NME7: variants seen among roughly 807,000 people sequenced by gnomAD.
NME7 encodes the protein NME/NM23 family member 7.
A neutral mutation model predicts 49.1 loss-of-function variants in NME7; 41 were observed. The observed-to-expected ratio is 0.83, with a 90% confidence interval of 0.65 to 1.08. The LOEUF (loss-of-function observed/expected upper bound fraction) is 1.08, where lower values mean the gene tolerates loss of function less well. Among genes scored for constraint, NME7 ranks in the 50% least tolerant of loss-of-function variants. The probability of loss-of-function intolerance (pLI) is 0.00; values close to 1 mark genes in which losing one functional copy is unlikely to be tolerated. For synonymous variants in NME7, 139 were observed against 150.6 expected (o/e 0.92, Z 0.56); for missense variants, 423 against 463.4 (o/e 0.91, Z 0.80).
chr1:169,160,907 G>C (rs971546769), intron 11 of NME7, among the ~76,000 whole-genome samples: 12 of 152,080 alleles, frequency 7.9e-5, no homozygotes, highest in African/African-American at 2.9e-4. Context: ...CACTGCTTCT[G>C]GCTATCCCTT....
intron 1 of NME7, among the ~76,000 whole-genome samples, chr1:169,332,654 G>A (rs751159098): frequency 7.9e-5 from 12 of 152,006 alleles, no homozygotes; most frequent in South Asian, 6.2e-4. Context: ...CTACAAAATG[G>A]GCAAAAGATC....
chr1:169,280,867 A>G lies in NME7; in HGVS notation c.754+6436T>C, dbSNP rs1474776749. On this transcript the variant is annotated intron_variant, in intron 7 of 11. Transcript: ENST00000367811. ...GTTTTGGTTACTGTAGCCTTGTAGT[A>G]TAGTTAGAAGTCAGGTAGCATAATG... Among the ~76,000 whole-genome samples, 3 of 151,378 alleles carry G rather than the reference A, an allele frequency of 2.0e-5. No individual in the cohort carries two copies. The East Asian group carries it at 6.3e-4, about 32-fold the overall frequency.
At position 169,303,147 on chromosome 1, in the gene NME7, G is replaced by A. The variant is rs752492264; in HGVS notation, c.438C>T (p.Phe146=). ...TAATCCCCAAATTAAGGACCTACTTGAAAAAGGGTCTTGACTGGTGATCTA... is the reference window on the plus strand; with the variant it reads ...TAATCCCCAAATTAAGGACCTACTTAAAAAAGGGTCTTGACTGGTGATCTA... ...FHVDHQSRPF[F]NELIQFITTG... is the part of the protein sequence containing the mutation. The change falls in exon 5 of 12, where the codon TTC becomes TTT. Residue 146 remains phenylalanine, a splice_region_variant and synonymous_variant. Coordinates refer to ENST00000367811, the MANE Select transcript of NME7 (RefSeq NM_013330.5). 1.9e-6 allele frequency: 3 copies of A among 1,567,372 alleles called. No individual in the cohort carries two copies. The highest frequency in any genetic ancestry group is 1.7e-4 in the Middle Eastern group (1 of 5,964).
chr1:169,249,110 C>T (rs1236222574), intron 7 of NME7, among the ~76,000 whole-genome samples: 2 of 152,096 alleles, frequency 1.3e-5, no homozygotes, highest in Non-Finnish European at 2.9e-5. Flanking sequence ...TTATTCCAAT[C>T]CATGAGCATG....
At chr1:169,303,428 C>A in intron 4 of NME7, 3 of 176,088 alleles carry the variant, frequency 1.7e-5, no homozygotes, top group South Asian at 1.7e-4. Context: ...TACTTTTCTA[C>A]TTATGTTATA....
chr1:169,282,851 G>T lies in NME7; in HGVS notation c.754+4452C>A, dbSNP rs540403182. Among the ~76,000 whole-genome samples, 11 of 152,260 alleles carry T rather than the reference G, an allele frequency of 7.2e-5. No homozygotes were observed. In the East Asian group the frequency reaches 1.4e-3, roughly 19 times the overall value. On this transcript the variant is annotated intron_variant, in intron 7 of 11. Coordinates refer to ENST00000367811, the MANE Select transcript of NME7 (RefSeq NM_013330.5). ...TCCATTCTTTTGCACTTGGTCAGGA[G>T]TGTTTTACTTCCAATTATGTGGTCA...
At chr1:169,152,324 G>A (rs576979149) in intron 11 of NME7, among the ~76,000 whole-genome samples, 12 of 152,168 alleles carry the variant, frequency 7.9e-5, no homozygotes, top group African/African-American at 2.9e-4. Flanking sequence ...GCTCTCTGAG[G>A]TAAGTACTAT....
In NME7 at chr1:169,231,649, T is replaced by C. The variant is rs572257350; in HGVS notation, c.889-830A>G. On this transcript the variant is annotated intron_variant, in intron 9 of 11. Coordinates refer to ENST00000367811, the MANE Select transcript of NME7 (RefSeq NM_013330.5). Reference sequence around the variant, plus strand: ...ATTGCCAGAAAGTAGACCAAACAACTCAGAGACAGCACAAGGCTGAGAAGA... The same window carrying C: ...ATTGCCAGAAAGTAGACCAAACAACCCAGAGACAGCACAAGGCTGAGAAGA... 2.6e-5 allele frequency among the ~76,000 whole-genome samples: 4 copies of C among 151,246 alleles called. No individual in the cohort carries two copies. In the East Asian group the frequency reaches 7.7e-4, roughly 29 times the overall value.
In NME7 at chr1:169,135,086, C is replaced by T. The variant is rs185141611; in HGVS notation, c.1099-2269G>A. ...ACGCCTGTGATCTCAGCTACTTGGACGTCTGGGGTGGTAGGACAGCTTGAG... is the reference window on the plus strand; with the variant it reads ...ACGCCTGTGATCTCAGCTACTTGGATGTCTGGGGTGGTAGGACAGCTTGAG... On this transcript the variant is annotated intron_variant, in intron 11 of 11. Coordinates refer to ENST00000367811, the MANE Select transcript of NME7 (RefSeq NM_013330.5). Among the ~76,000 whole-genome samples, 14 of 148,450 alleles carry T rather than the reference C, an allele frequency of 9.4e-5. No individual in the cohort carries two copies. In the East Asian group the frequency reaches 1.6e-3, roughly 17 times the overall value.
chr1:169,226,790 C>T (rs1647358205), intron 10 of NME7, among the ~76,000 whole-genome samples: 1 of 152,116 alleles, frequency 6.6e-6, no homozygotes, highest in Admixed American at 6.5e-5. Flanking sequence ...CATATTTCCA[C>T]CTCCTAAAGA....
intron 6 of NME7, among the ~76,000 whole-genome samples, chr1:169,296,416 C>A (rs767453934): frequency 2.0e-5 from 3 of 152,000 alleles, no homozygotes; most frequent in Non-Finnish European, 4.4e-5. Flanking sequence ...CTCAGTTTTT[C>A]CTCTTACCTC....
At chr1:169,351,081 C>A (rs1344802885) in intron 1 of NME7, among the ~76,000 whole-genome samples, 1 of 152,026 alleles carries the variant, frequency 6.6e-6, no homozygotes, top group Non-Finnish European at 1.5e-5. Context: ...CATCCACCCA[C>A]AACCACACAC....
At chr1:169,170,800 G>A (rs1312553609) in intron 10 of NME7, among the ~76,000 whole-genome samples, 1 of 152,056 alleles carries the variant, frequency 6.6e-6, no homozygotes, top group Non-Finnish European at 1.5e-5. Flanking sequence ...GGTGGTGCGT[G>A]CCTGTAATAC....
chr1:169,349,613 T>G (rs1653078300), intron 1 of NME7, among the ~76,000 whole-genome samples: 1 of 152,196 alleles, frequency 6.6e-6, no homozygotes, highest in Non-Finnish European at 1.5e-5. Context: ...CTCATGACAT[T>G]TTTAAAAAAG....
At chr1:169,198,955 C>G (rs1314470101) in intron 10 of NME7, among the ~76,000 whole-genome samples, 1 of 152,044 alleles carries the variant, frequency 6.6e-6, no homozygotes, top group Non-Finnish European at 1.5e-5. Context: ...AATTAAATTA[C>G]CAGACAGGCC....
chr1:169,307,755 C>A (rs1218109085), intron 4 of NME7, among the ~76,000 whole-genome samples: 1 of 152,184 alleles, frequency 6.6e-6, no homozygotes, highest in African/African-American at 2.4e-5. Context: ...CGCGGTGGCT[C>A]ATGCCTGTAA....
intron 1 of NME7, among the ~76,000 whole-genome samples, chr1:169,325,881 T>A (rs1222045589): frequency 1.3e-5 from 2 of 152,180 alleles, no homozygotes; most frequent in African/African-American, 4.8e-5. Context: ...AGAGACATAC[T>A]ATGACATTTG....
At chr1:169,138,853 T>C (rs1033160041) in intron 11 of NME7, among the ~76,000 whole-genome samples, 2 of 152,088 alleles carry the variant, frequency 1.3e-5, no homozygotes, top group Non-Finnish European at 2.9e-5. Flanking sequence ...CAGCCCAGAG[T>C]AGAGTGGTGC....
intron 9 of NME7, 52 bp downstream of exon 9, chr1:169,235,079 C>A (rs1177564210): frequency 1.9e-6 from 2 of 1,050,544 alleles, no homozygotes; most frequent in Non-Finnish European, 1.4e-6. Flanking sequence ...ACACTGCATC[C>A]TATACTTTTC....
Sources: allele counts gnomAD v4.1 joint callset (sites outside exome capture counted in the v4.1 genomes callset), GRCh38; gene constraint gnomAD v4.1.1; transcripts MANE v1.5; gene names NCBI Gene and HGNC (gene_info 2026-07-23, HGNC 2026-07-21).